The following PRORP variants were observed in gnomAD, a reference collection of about 807,000 sequenced individuals.
PRORP encodes the protein protein only RNase P catalytic subunit, also known as mitochondrial ribonuclease P catalytic subunit.
Under a neutral mutation model 59.4 loss-of-function variants are expected in PRORP, and 51 were observed. The ratio of observed to expected loss-of-function variants is 0.86; its 90% CI spans 0.69 to 1.08. The LOEUF is 1.08. Among genes scored for constraint, PRORP ranks in the 50% least tolerant of loss-of-function variants. The probability of loss-of-function intolerance (pLI) is 0.00; values close to 1 mark genes in which losing one functional copy is unlikely to be tolerated. For synonymous variants in PRORP, 231 were observed against 245.6 expected, an observed-to-expected ratio of 0.94 and a Z score of 0.55; for missense variants, 646 against 690.3, an observed-to-expected ratio of 0.94 and a Z score of 0.72.
At chr14:35,154,128 G>A (rs1377477108) in intron 4 of PRORP, among the ~76,000 whole-genome samples, 1 of 152,174 alleles carries the variant, frequency 6.6e-6, no homozygotes, top group Non-Finnish European at 1.5e-5. Context: ...ATAACACATA[G>A]TTATGTGTTA....
intron 4 of PRORP, among the ~76,000 whole-genome samples, chr14:35,167,911 A>G (rs917271012): frequency 6.6e-6 from 1 of 152,262 alleles, no homozygotes; most frequent in African/African-American, 2.4e-5. Context: ...CATGTTAACT[A>G]TATCCATGTG....
At chr14:35,216,783 A>G (rs2049608892) in intron 5 of PRORP, among the ~76,000 whole-genome samples, 1 of 152,132 alleles carries the variant, frequency 6.6e-6, no homozygotes, top group Admixed American at 6.5e-5. Flanking sequence ...AAAGGATCTA[A>G]TTTCTCCATA....
chr14:35,232,359 C>T (rs1324316898), intron 5 of PRORP, among the ~76,000 whole-genome samples: 1 of 151,662 alleles, frequency 6.6e-6, no homozygotes, highest in Non-Finnish European at 1.5e-5. Context: ...GCATGCGCCA[C>T]CATGCCTAGC....
At chr14:35,177,114 C>G (rs1385318579) in intron 4 of PRORP, among the ~76,000 whole-genome samples, 1 of 152,130 alleles carries the variant, frequency 6.6e-6, no homozygotes, top group Admixed American at 6.6e-5. Flanking sequence ...GGTGGATAAG[C>G]TTTTTGATGT....
chr14:35,261,802 T>C (rs1347542434), intron 5 of PRORP, among the ~76,000 whole-genome samples: 1 of 152,186 alleles, frequency 6.6e-6, no homozygotes, highest in Non-Finnish European at 1.5e-5. Flanking sequence ...GCCTTCGAAT[T>C]TACCCGAGAG....
At chr14:35,214,240 C>A (rs1417576252) in intron 5 of PRORP, among the ~76,000 whole-genome samples, 1 of 152,082 alleles carries the variant, frequency 6.6e-6, no homozygotes, top group African/African-American at 2.4e-5. Flanking sequence ...AAATGACAAG[C>A]CCTGTATTAT....
Position 35,180,703 on chromosome 14 carries a change from C to A in PRORP, c.1201C>A (p.Arg401Ser), listed in dbSNP as rs745576669. 6.2e-7 allele frequency: 1 copy of A among 1,612,298 alleles called. No individual in the cohort carries two copies. Among genetic ancestry groups the A allele is most frequent in the Non-Finnish European group, 8.5e-7 (1 of 1,178,788 alleles). Residue 401 changes from arginine (R) to serine (S), a missense_variant, in exon 5 of 8, where the codon CGT becomes AGT. Arg to Ser is a moderately radical substitution (Grantham distance 110). Coordinates refer to ENST00000534898, the MANE Select transcript of PRORP (RefSeq NM_014672.4). ...GAGATTTGAGAACTTCATAAAATCT[C>A]GTCCTCCTTTTGATGTTGTCATTGA... ...LKRFENFIKS[R>S]PPFDVVIDGL...
At chr14:35,220,865 A>G (rs56694711) in intron 5 of PRORP, among the ~76,000 whole-genome samples, 3,262 of 152,238 alleles carry the variant, frequency 0.021, 116 homozygotes, top group African/African-American at 0.072. Flanking sequence ...TAAGATTATA[A>G]TCTGGGGGAG....
intron 5 of PRORP, chr14:35,262,787 T>C: frequency 7.8e-7 from 1 of 1,279,130 alleles, no homozygotes; most frequent in Non-Finnish European, 1.1e-6. Flanking sequence ...AGAATGGGTC[T>C]CTTGTTGAAA....
chr14:35,212,566 T>C (rs962509316), intron 5 of PRORP, among the ~76,000 whole-genome samples: 1 of 152,176 alleles, frequency 6.6e-6, no homozygotes, highest in Admixed American at 6.5e-5. Context: ...GCATTGTCAA[T>C]GAACAGTAAT....
At chr14:35,217,270 G>A (rs953633256) in intron 5 of PRORP, among the ~76,000 whole-genome samples, 2 of 152,090 alleles carry the variant, frequency 1.3e-5, no homozygotes, top group African/African-American at 4.8e-5. Flanking sequence ...GGAGGCCAAG[G>A]TGGGCAGATC....
intron 5 of PRORP, among the ~76,000 whole-genome samples, chr14:35,228,137 C>T (rs1386025708): frequency 6.6e-6 from 1 of 152,006 alleles, no homozygotes; most frequent in Non-Finnish European, 1.5e-5. Context: ...AGCAAGACTC[C>T]GTCTCAAAAT....
At position 35,202,970 on chromosome 14, in the gene PRORP, G is replaced by T. The variant is rs570753517; in HGVS notation, c.1275+22193G>T. ...TGTTAAAACTCAATTGATAGCACCA[G>T]TTACCTCCAAAGGAGAAGTTTAAAT... On this transcript the variant is annotated intron_variant, in intron 5 of 7. Coordinates refer to ENST00000534898, the MANE Select transcript of PRORP (RefSeq NM_014672.4). Among the ~76,000 whole-genome samples the T allele has an allele frequency of 4.6e-5, 7 of 152,152 alleles. 1 individual carries two copies. In the South Asian group the frequency reaches 1.4e-3, roughly 31 times the overall value.
chr14:35,261,807 C>T (rs887766717), intron 5 of PRORP, among the ~76,000 whole-genome samples: 2 of 152,274 alleles, frequency 1.3e-5, no homozygotes. Flanking sequence ...CGAATTTACC[C>T]GAGAGGAAGT....
intron 5 of PRORP, among the ~76,000 whole-genome samples, chr14:35,228,013 C>T (rs1445892727): frequency 1.3e-5 from 2 of 151,950 alleles, no homozygotes; most frequent in Non-Finnish European, 2.9e-5. Context: ...CGTGGTGGCA[C>T]ACGCCTGTAG....
intron 4 of PRORP, among the ~76,000 whole-genome samples, chr14:35,177,861 TG>T (rs1199698371): frequency 3.3e-5 from 5 of 152,250 alleles, no homozygotes; most frequent in Admixed American, 3.3e-4. Context: ...AGATCTTTCC[TG>T]CTTTCTCTTG....
At chr14:35,196,889 C>T (rs2049022843) in intron 5 of PRORP, among the ~76,000 whole-genome samples, 1 of 152,190 alleles carries the variant, frequency 6.6e-6, no homozygotes, top group African/African-American at 2.4e-5. Flanking sequence ...TAATGATCAA[C>T]TGTCAGGTGG....
rs759019767 is a variant in PRORP at position 35,241,959 on chromosome 14, C to T, written c.1276-24768C>T. On this transcript the variant is annotated intron_variant, in intron 5 of 7. Coordinates refer to ENST00000534898, the MANE Select transcript of PRORP (RefSeq NM_014672.4). ...TGATTCTACTGACACCTTTTATTTA[C>T]TCCCACTGGGCTCTAAACTCACTGA... is the stretch of plus-strand genomic sequence containing the variant. Among the ~76,000 whole-genome samples, 14 of 152,128 alleles carry T rather than the reference C, an allele frequency of 9.2e-5. 1 individual carries two copies. The highest frequency in any genetic ancestry group is 2.1e-4 in the Non-Finnish European group (14 of 68,018).
chr14:35,123,951 A>ATCAAAAAAGTTATAACTCCT lies in PRORP; in HGVS notation c.716_735dup (p.Asn246LeufsTer2). ...AGAAGCATTGTTGCTGTTAGAGGAC[A>ATCAAAAAAGTTATAACTCCT]TCAAAAAAGTTATAACTCCTTCAAA... On this transcript the variant is annotated frameshift_variant, in exon 2 of 8. Transcript: ENST00000534898. LOFTEE classifies it high-confidence loss of function. 1 of 1,614,178 alleles carries ATCAAAAAAGTTATAACTCCT rather than the reference A, an allele frequency of 6.2e-7. No homozygotes were observed. Among genetic ancestry groups the ATCAAAAAAGTTATAACTCCT allele is most frequent in the Non-Finnish European group, 8.5e-7 (1 of 1,180,018 alleles).
Sources: gnomAD v4.1 joint callset for allele counts (sites outside exome capture counted in the v4.1 genomes callset) on GRCh38, gnomAD v4.1.1 for gene constraint, MANE v1.5 for transcripts, NCBI Gene and HGNC (gene_info 2026-07-23, HGNC 2026-07-21) for gene names.